Variants in NOL9 observed in about 807,000 individuals in gnomAD.
The protein encoded by NOL9 is polynucleotide 5'-hydroxyl-kinase NOL9.
In NOL9, 28 loss-of-function variants were observed where a neutral mutation model predicts 67.9. The observed-to-expected ratio is 0.41, with a 90% confidence interval of 0.31 to 0.57. The LOEUF (loss-of-function observed/expected upper bound fraction) is 0.57. Ranked by LOEUF, NOL9 falls within the 20% of genes least tolerant of loss-of-function variation. NOL9 has a pLI of 0.25. For missense variants in NOL9, 777 were observed against 897.0 expected, an observed-to-expected ratio of 0.87 and a Z score of 1.71; for synonymous variants, 356 against 352.2, an observed-to-expected ratio of 1.01 and a Z score of -0.12.
rs777162538 is a variant in NOL9, at chr1:6,531,996, G to T, written c.1619C>A (p.Ser540Tyr). 14 of 1,614,140 alleles carry T rather than the reference G, an allele frequency of 8.7e-6. No homozygotes were observed. The highest frequency in any genetic ancestry group is 1.0e-5 in the Non-Finnish European group (12 of 1,179,954). The change falls in exon 9 of 12, where the codon TCT (serine) becomes TAT (tyrosine). Residue 540 changes from serine to tyrosine, a missense_variant. By Grantham distance (144) the Ser-to-Tyr change is moderately radical (BLOSUM62 -2). Around this residue, in one of 2 missense-constraint regions of NOL9, gnomAD observed 413 missense variants for 552.6 expected, o/e 0.75. Coordinates refer to ENST00000377705, the MANE Select transcript of NOL9 (RefSeq NM_024654.5). ...ATAGGGTGTCAGGCTATGTAAAGGAGAAAGTGGTTTGGGCATCGGGGGCTG... is the reference window on the plus strand; with the variant it reads ...ATAGGGTGTCAGGCTATGTAAAGGATAAAGTGGTTTGGGCATCGGGGGCTG... Reference protein sequence around the residue: ...QLQPPMPKPLSPLHSLTPYQV... With the variant: ...QLQPPMPKPLYPLHSLTPYQV...
intron 3 of NOL9, among the ~76,000 whole-genome samples, chr1:6,545,408 G>A (rs1639397125): frequency 6.6e-6 from 1 of 152,182 alleles, no homozygotes; most frequent in Non-Finnish European, 1.5e-5. Flanking sequence ...TGCCTCCGCA[G>A]GAGACTCCAG....
Position 6,525,641 on chromosome 1 carries a change from A to G in NOL9, c.*213T>C. On this transcript the variant is annotated 3_prime_UTR_variant, in exon 12 of 12. Transcript: ENST00000377705. ...TTACTCCCTCTGGACAGCAAGTATG[A>G]GTATCACACAGAAGACTAGAACAAA... The G allele has an allele frequency of 3.4e-6, 2 of 581,362 alleles. No individual in the cohort carries two copies. Among genetic ancestry groups the G allele is most frequent in the East Asian group, 2.9e-5 (1 of 35,062 alleles). The allele number at this position is 581,362 out of a possible 1,614,324, so 36.0% of individuals were successfully genotyped here.
intron 3 of NOL9, among the ~76,000 whole-genome samples, chr1:6,549,070 G>A (rs1366048590): frequency 6.6e-6 from 1 of 151,678 alleles, no homozygotes; most frequent in African/African-American, 2.4e-5. Flanking sequence ...GCAACAGAGA[G>A]AGAGTCCATC....
chr1:6,539,478 AATT>A (rs112086769), intron 6 of NOL9, among the ~76,000 whole-genome samples: 124,074 of 151,742 alleles, frequency 0.82, 51,588 homozygotes, highest in Non-Finnish European at 0.89. Context: ...CATCAAAAAG[AATT>A]ATTATTATTA....
Position 6,525,822 on chromosome 1 carries a change from G to GA in NOL9, c.*31dup. 1 of 1,611,662 alleles carries GA rather than the reference G, an allele frequency of 6.2e-7. No homozygotes were observed. Among genetic ancestry groups the GA allele is most frequent in the Non-Finnish European group, 8.5e-7 (1 of 1,178,294 alleles). On this transcript the variant is annotated 3_prime_UTR_variant, in exon 12 of 12. Transcript: ENST00000377705. ...GGCTTGAGACAAAGCTTTCTGGTAG[G>GA]AAAGTTTCTTCCCTTATTAAAAACG...
At chr1:6,550,720 G>A in intron 1 of NOL9, 105 bp from the exon 2 acceptor site, 2 of 807,556 alleles carry the variant, frequency 2.5e-6, no homozygotes, top group Non-Finnish European at 3.6e-6. Context: ...TTTTGCTCTT[G>A]TTGCCCAGGC....
At position 6,541,903 on chromosome 1, in the gene NOL9, T is replaced by C. The variant is rs773405800; in HGVS notation, c.1002A>G (p.Glu334=). ...TAAATTCTGTCTGTCCCAGATCACA[T>C]TCCAAATAGTCAACGCAGGGAAGAC... The part of the protein sequence containing the change: ...LNSLPCVDYL[E]CDLGQTEFTP... Residue 334 remains glutamate (E), a synonymous_variant, in exon 6 of 12, where the codon GAA becomes GAG. Transcript: ENST00000377705. 64 of 1,604,180 alleles carry C rather than the reference T, an allele frequency of 4.0e-5. 1 individual carries two copies. In the East Asian group the frequency reaches 1.3e-3, roughly 33 times the overall value.
intron 1 of NOL9, among the ~76,000 whole-genome samples, chr1:6,553,419 G>C (rs923141341): frequency 6.6e-6 from 1 of 152,094 alleles, no homozygotes; most frequent in South Asian, 2.1e-4. Flanking sequence ...TTAGAGAGAG[G>C]GACAACTACT....
chr1:6,536,364 T>A (rs1437517916), intron 6 of NOL9, among the ~76,000 whole-genome samples: 1 of 151,198 alleles, frequency 6.6e-6, no homozygotes, highest in African/African-American at 2.4e-5. Flanking sequence ...TAAAATAAAA[T>A]AAAATAAAAA....
chr1:6,541,915 A>T lies in NOL9; in HGVS notation c.990T>A (p.Val330=). The change falls in exon 6 of 12, where the codon GTT becomes GTA. Residue 330 remains valine, a synonymous_variant. Coordinates refer to ENST00000377705, the MANE Select transcript of NOL9 (RefSeq NM_024654.5). Reference sequence around the variant, plus strand: ...GTCCCAGATCACATTCCAAATAGTCAACGCAGGGAAGACTGCAAATTTTTA... The same window carrying T: ...GTCCCAGATCACATTCCAAATAGTCTACGCAGGGAAGACTGCAAATTTTTA... ...INHLLNSLPC[V]DYLECDLGQT... is the part of the protein sequence containing the mutation. 6.3e-7 allele frequency: 1 copy of T among 1,592,850 alleles called. No individual in the cohort carries two copies. The highest frequency in any genetic ancestry group is 8.5e-7 in the Non-Finnish European group (1 of 1,172,562).
intron 10 of NOL9, among the ~76,000 whole-genome samples, chr1:6,528,531 C>T (rs949269391): frequency 6.6e-6 from 1 of 152,158 alleles, no homozygotes; most frequent in Admixed American, 6.6e-5. Context: ...TCCAATGGAC[C>T]AAGTACGAGC....
At chr1:6,542,648 G>C in intron 5 of NOL9, among the ~76,000 whole-genome samples, 1 of 150,396 alleles carries the variant, frequency 6.6e-6, no homozygotes, top group Middle Eastern at 3.6e-3. Context: ...TAGTAGAGAC[G>C]GGGTTTCACA....
intron 6 of NOL9, among the ~76,000 whole-genome samples, chr1:6,534,808 C>A (rs1470690611): frequency 6.6e-6 from 1 of 151,822 alleles, no homozygotes; most frequent in East Asian, 1.9e-4. Context: ...TCTCTTTTTT[C>A]TTTTTATTTT....
At position 6,522,825 on chromosome 1, in the gene NOL9, A is replaced by C. The variant is rs893494800; in HGVS notation, c.*3029T>G. On this transcript the variant is annotated 3_prime_UTR_variant, in exon 12 of 12. Transcript: ENST00000377705. ...CTTAAACCTGGGAGGCGGAAGTTGC[A>C]GTGAGCCGAGATCACTCCACTGCAC... is the stretch of plus-strand genomic sequence containing the variant. 2 of 143,080 alleles carry C rather than the reference A, an allele frequency of 1.4e-5. No individual in the cohort carries two copies. The highest frequency in any genetic ancestry group is 5.2e-5 in the African/African-American group (2 of 38,188). The allele number at this position is 143,080 out of a possible 1,614,324, so 8.9% of individuals were successfully genotyped here. A position where few individuals can be genotyped will look rare whatever the true frequency, so the allele number is the denominator to read the frequency against.
intron 10 of NOL9, among the ~76,000 whole-genome samples, chr1:6,527,634 CAA>C (rs201930133): frequency 3.3e-4 from 17 of 50,932 alleles, no homozygotes; most frequent in Admixed American, 1.3e-3. Flanking sequence ...CAAAACAAAA[CAA>C]AACAAAAAAA....
rs147976585 is a variant in NOL9, at chr1:6,527,702, G to A, written c.1826-873C>T. Reference sequence around the variant, plus strand: ...TAATCTCAGCACTCTGGGAGGCCGAGGTGGGCAGATCACGAGGTCAGGAGT... The same window carrying A: ...TAATCTCAGCACTCTGGGAGGCCGAAGTGGGCAGATCACGAGGTCAGGAGT... On this transcript the variant is annotated intron_variant, in intron 10 of 11. Transcript: ENST00000377705. Among the ~76,000 whole-genome samples the A allele has an allele frequency of 5.7e-3, 865 of 151,742 alleles. 51 individuals carry two copies. Among genetic ancestry groups the A allele is most frequent in the Admixed American group, 0.052 (785 of 15,234 alleles).
In NOL9 at chr1:6,523,357, A is replaced by T. The variant is rs1638812577; in HGVS notation, c.*2497T>A. On this transcript the variant is annotated 3_prime_UTR_variant, in exon 12 of 12. Transcript: ENST00000377705. The stretch of plus-strand genomic sequence containing the variant: ...CACTTTGGGAGGCCAAGGCAGGTGG[A>T]TCACCTGAGGACAGGAGTTCAAAAC... 6.6e-6 allele frequency: 1 copy of T among 151,730 alleles called. No individual in the cohort carries two copies. The highest frequency in any genetic ancestry group is 2.4e-5 in the African/African-American group (1 of 41,284). 9.4% of individuals were successfully genotyped at this position (151,730 alleles called of 1,614,324 possible). A position where few individuals can be genotyped will look rare whatever the true frequency, so the allele number is the denominator to read the frequency against.
chr1:6,540,425 A>G (rs1327350124), intron 6 of NOL9, among the ~76,000 whole-genome samples: 1 of 151,992 alleles, frequency 6.6e-6, no homozygotes, highest in Non-Finnish European at 1.5e-5. Flanking sequence ...CCCAGCCGAG[A>G]GTTATTCTTT....
chr1:6,521,397 A>C lies in NOL9; in HGVS notation c.*4457T>G, dbSNP rs942968541. 1 of 152,224 alleles carries C rather than the reference A, an allele frequency of 6.6e-6. No homozygotes were observed. 9.4% of individuals were successfully genotyped at this position (152,224 alleles called of 1,614,324 possible). ...ATACAAAAGTTCATCTGTTAACTGA[A>C]AAGAGCTGAACAGAAACCATACATA... On this transcript the variant is annotated 3_prime_UTR_variant, in exon 12 of 12. Coordinates refer to ENST00000377705, the MANE Select transcript of NOL9 (RefSeq NM_024654.5).
Sources: gnomAD v4.1 joint callset for allele counts (sites outside exome capture counted in the v4.1 genomes callset) on GRCh38, gnomAD v4.1.1 for gene constraint, gnomAD v4.1.1 regional missense constraint, MANE v1.5 for transcripts, NCBI Gene and HGNC (gene_info 2026-07-23, HGNC 2026-07-21) for gene names.